The following LCLAT1 variants were observed in gnomAD, a reference collection of about 807,000 sequenced individuals.
LCLAT1 encodes the protein 1-AGP acyltransferase 8.
LCLAT1 carries 11 observed loss-of-function variants against 30.7 expected under a neutral mutation model. The observed-to-expected ratio is 0.36, with a 90% CI of 0.23 to 0.59. The LOEUF (loss-of-function observed/expected upper bound fraction) is 0.59, where lower values mean the gene tolerates loss of function less well. Among genes scored for constraint, LCLAT1 ranks in the 20% least tolerant of loss-of-function variants. LCLAT1 has a pLI of 0.77. For synonymous variants in LCLAT1, 155 were observed against 151.3 expected (o/e 1.02, Z -0.18); for missense variants, 402 against 458.6 (o/e 0.88, Z 1.13).
At chr2:30,491,725 G>A (rs1177605366) in intron 1 of LCLAT1, among the ~76,000 whole-genome samples, 2 of 152,136 alleles carry the variant, frequency 1.3e-5, no homozygotes, top group Admixed American at 1.3e-4. Flanking sequence ...TTCTAAGGCT[G>A]GTTGTTTATG....
At chr2:30,611,536 C>A (rs373029940) in intron 5 of LCLAT1, among the ~76,000 whole-genome samples, 3 of 152,062 alleles carry the variant, frequency 2.0e-5, no homozygotes, top group East Asian at 3.9e-4. Context: ...TCTCTCTCCC[C>A]CTGACTCTGC....
At chr2:30,460,552 A>T (rs180729430) in intron 1 of LCLAT1, among the ~76,000 whole-genome samples, 3 of 152,294 alleles carry the variant, frequency 2.0e-5, no homozygotes, top group Admixed American at 2.0e-4. Context: ...ATGTGATATG[A>T]TGAAGAATCT....
chr2:30,508,963 T>TC, intron 1 of LCLAT1, among the ~76,000 whole-genome samples: 1 of 152,356 alleles, frequency 6.6e-6, no homozygotes, highest in South Asian at 2.1e-4. Flanking sequence ...TTTGTAGTTC[T>TC]CCTTGTAGAA....
chr2:30,609,911 A>G (rs1399010946), intron 5 of LCLAT1, among the ~76,000 whole-genome samples: 2 of 152,146 alleles, frequency 1.3e-5, no homozygotes, highest in African/African-American at 4.8e-5. Flanking sequence ...CACAGGACTT[A>G]AAATCATTAT....
intron 5 of LCLAT1, among the ~76,000 whole-genome samples, chr2:30,629,386 CCT>C (rs1668659646): frequency 6.6e-6 from 1 of 152,046 alleles, no homozygotes; most frequent in Admixed American, 6.6e-5. Flanking sequence ...GTGGCGAAAC[CCT>C]GTCTCTACTA....
chr2:30,519,254 T>C (rs887939298), intron 1 of LCLAT1, among the ~76,000 whole-genome samples: 2 of 152,196 alleles, frequency 1.3e-5, no homozygotes, highest in African/African-American at 4.8e-5. Flanking sequence ...CTTCCAGAAT[T>C]GATGCTGTAA....
chr2:30,599,070 C>T (rs1161732675), intron 5 of LCLAT1, among the ~76,000 whole-genome samples: 1 of 151,876 alleles, frequency 6.6e-6, no homozygotes, highest in Non-Finnish European at 1.5e-5. Context: ...GCAACCTCCG[C>T]CTCCCGGTTC....
At chr2:30,552,130 C>G (rs1245621934) in intron 3 of LCLAT1, among the ~76,000 whole-genome samples, 3 of 152,186 alleles carry the variant, frequency 2.0e-5, no homozygotes, top group Non-Finnish European at 4.4e-5. Context: ...TAGGAATGTA[C>G]TTAGGAATCA....
intron 5 of LCLAT1, among the ~76,000 whole-genome samples, chr2:30,598,106 T>C (rs572018977): frequency 6.6e-6 from 1 of 152,326 alleles, no homozygotes; most frequent in South Asian, 2.1e-4. Context: ...AGTTTTCTTT[T>C]TTTGATATAT....
chr2:30,568,142 A>G lies in LCLAT1; in HGVS notation c.594A>G (p.Thr198=), dbSNP rs770302132. The G allele has an allele frequency of 6.2e-6, 10 of 1,605,148 alleles. No individual in the cohort carries two copies. In the East Asian group the frequency reaches 1.3e-4, roughly 22 times the overall value. ...KYEYVLHPRT[T]GFTFVVDRLR... is the part of the protein sequence containing the mutation. ...AATATGTTTTACATCCAAGAACTACAGGCTTTACTTTTGTGGTAGACCGTC... is the reference window on the plus strand; with the variant it reads ...AATATGTTTTACATCCAAGAACTACGGGCTTTACTTTTGTGGTAGACCGTC... Residue 198 remains threonine, a synonymous_variant, in exon 5 of 6, where the codon ACA becomes ACG. Transcript: ENST00000379509.
intron 1 of LCLAT1, among the ~76,000 whole-genome samples, chr2:30,503,736 CAG>C (rs376166211): frequency 1.3e-4 from 20 of 152,286 alleles, no homozygotes; most frequent in African/African-American, 3.6e-4. Context: ...CAAAACCAAA[CAG>C]AAATCTGAAA....
At chr2:30,509,111 T>C (rs1684815024) in intron 1 of LCLAT1, among the ~76,000 whole-genome samples, 1 of 152,204 alleles carries the variant, frequency 6.6e-6, no homozygotes, top group Non-Finnish European at 1.5e-5. Flanking sequence ...TTTTTATACA[T>C]TGATTTTGTA....
chr2:30,570,264 TA>T (rs1665724898), intron 5 of LCLAT1, among the ~76,000 whole-genome samples: 1 of 152,156 alleles, frequency 6.6e-6, no homozygotes, highest in Non-Finnish European at 1.5e-5. Context: ...CCTGTATCAG[TA>T]AAAAGAAACA....
At chr2:30,625,694 T>A (rs1668475075) in intron 5 of LCLAT1, among the ~76,000 whole-genome samples, 1 of 152,224 alleles carries the variant, frequency 6.6e-6, no homozygotes, top group Admixed American at 6.5e-5. Context: ...TTTTGTAGAT[T>A]TACAAGAATG....
intron 1 of LCLAT1, among the ~76,000 whole-genome samples, chr2:30,465,190 C>T (rs1436466327): frequency 1.3e-5 from 2 of 152,266 alleles, no homozygotes; most frequent in Admixed American, 6.5e-5. Flanking sequence ...TGAGTGGTCC[C>T]TAAAAGCAAT....
intron 3 of LCLAT1, among the ~76,000 whole-genome samples, chr2:30,551,090 C>T (rs139442368): frequency 1.8e-4 from 27 of 152,220 alleles, no homozygotes; most frequent in East Asian, 1.2e-3. Flanking sequence ...GCAATCCTTC[C>T]GCCTCAGCCT....
In LCLAT1 at chr2:30,626,717, T is replaced by C. The variant is rs561175210; in HGVS notation, c.629-13400T>C. ...TTTTTTCTCCCTCTAATTTTCAATA[T>C]GAGTAGTTTCTCTTTTTCAGTTTTC... On this transcript the variant is annotated intron_variant, in intron 5 of 5. Transcript: ENST00000379509. Among the ~76,000 whole-genome samples the C allele has an allele frequency of 2.0e-5, 3 of 152,144 alleles. No homozygotes were observed. In the East Asian group the frequency reaches 5.8e-4, roughly 29 times the overall value.
chr2:30,450,979 C>T (rs901530598), intron 1 of LCLAT1, among the ~76,000 whole-genome samples: 1 of 140,204 alleles, frequency 7.1e-6, no homozygotes, highest in Admixed American at 7.7e-5. Context: ...AGGACTCATA[C>T]CGTGTGTGTG....
At chr2:30,473,932 C>T (rs1377609652) in intron 1 of LCLAT1, among the ~76,000 whole-genome samples, 1 of 152,164 alleles carries the variant, frequency 6.6e-6, no homozygotes, top group East Asian at 1.9e-4. Context: ...GTGGACCTTT[C>T]CAGTCCAATT....
Sources: gnomAD v4.1 joint callset for allele counts (sites outside exome capture counted in the v4.1 genomes callset) on GRCh38, gnomAD v4.1.1 for gene constraint, MANE v1.5 for transcripts, NCBI Gene and HGNC (gene_info 2026-07-23, HGNC 2026-07-21) for gene names.